Variants in TECRL observed in about 807,000 individuals in gnomAD.
TECRL encodes the protein trans-2,3-enoyl-CoA reductase-like.
Under a neutral mutation model 52.8 loss-of-function variants are expected in TECRL, and 63 were observed. The ratio of observed to expected loss-of-function variants is 1.19; its 90% CI spans 0.97 to 1.47. The LOEUF (loss-of-function observed/expected upper bound fraction) is 1.47. Among genes scored for constraint, TECRL ranks in the 40% most tolerant of loss-of-function variants. The probability of loss-of-function intolerance (pLI) is 0.00; values close to 1 mark genes in which losing one functional copy is unlikely to be tolerated. For missense variants in TECRL, 482 were observed against 429.6 expected, an observed-to-expected ratio of 1.12 and a Z score of -1.08; for synonymous variants, 164 against 141.9, an observed-to-expected ratio of 1.16 and a Z score of -1.10.
At chr4:64,309,409 A>G (rs1015679712) in intron 6 of TECRL, among the ~76,000 whole-genome samples, 12 of 152,166 alleles carry the variant, frequency 7.9e-5, no homozygotes, top group African/African-American at 2.4e-4. Context: ...CACAATTTCT[A>G]GAAGAGCAAA....
chr4:64,309,852 G>T lies in TECRL; in HGVS notation c.631C>A (p.His211Asn). The T allele has an allele frequency of 1.2e-6, 2 of 1,610,868 alleles. No individual in the cohort carries two copies. The highest frequency in any genetic ancestry group is 1.7e-6 in the Non-Finnish European group (2 of 1,177,470). ...TLFVHKVSAG[H>N]TPLKNLIMSC... ...ATTATCAAATTTTTCAAAGGTGTGT[G>T]TCCTGCAGAAACTTTGTGAACAAAT... The change falls in exon 6 of 12, where the codon CAC becomes AAC. Residue 211 changes from histidine to asparagine, a missense_variant. Coordinates refer to ENST00000381210, the MANE Select transcript of TECRL (RefSeq NM_001010874.5).
chr4:64,328,599 A>G (rs769680996), intron 2 of TECRL, 43 bp from the exon 3 acceptor site: 2 of 1,544,746 alleles, frequency 1.3e-6, no homozygotes, highest in Non-Finnish European at 1.8e-6. Context: ...AAAAAGTGTA[A>G]CTATAGCTTA....
intron 1 of TECRL, chr4:64,397,832 T>C (rs1724061709): frequency 6.6e-6 from 1 of 152,098 alleles, no homozygotes; most frequent in Non-Finnish European, 1.5e-5. Context: ...ATATTTTTGT[T>C]ACAGTAGCTC....
At chr4:64,357,993 G>A (rs1308848478) in intron 2 of TECRL, among the ~76,000 whole-genome samples, 1 of 151,530 alleles carries the variant, frequency 6.6e-6, no homozygotes, top group Non-Finnish European at 1.5e-5. Flanking sequence ...GTGAAAAAAT[G>A]TATTCACTAC....
At chr4:64,330,916 A>G (rs1718593123) in intron 2 of TECRL, among the ~76,000 whole-genome samples, 1 of 152,134 alleles carries the variant, frequency 6.6e-6, no homozygotes, top group Non-Finnish European at 1.5e-5. Flanking sequence ...AGACACGCAT[A>G]TAACTATTAT....
At chr4:64,400,004 A>C (rs1724237385) in intron 1 of TECRL, among the ~76,000 whole-genome samples, 1 of 152,112 alleles carries the variant, frequency 6.6e-6, no homozygotes, top group Non-Finnish European at 1.5e-5. Flanking sequence ...AGAATGATAT[A>C]TCCACCAGCT....
At chr4:64,379,455 A>C (rs891290553) in intron 1 of TECRL, among the ~76,000 whole-genome samples, 5 of 152,114 alleles carry the variant, frequency 3.3e-5, no homozygotes, top group Non-Finnish European at 5.9e-5. Flanking sequence ...CATCACCTTA[A>C]ACACTTACCA....
chr4:64,281,142 C>CCAA (rs1285588535), intron 10 of TECRL, 56 bp from the exon 11 acceptor site: 1 of 1,414,954 alleles, frequency 7.1e-7, no homozygotes, highest in Non-Finnish European at 9.8e-7. Context: ...GTAATTTGTT[C>CCAA]ATTTGTGGCT....
chr4:64,402,132 C>T (rs904892178), intron 1 of TECRL, among the ~76,000 whole-genome samples: 1 of 151,968 alleles, frequency 6.6e-6, no homozygotes, highest in South Asian at 2.1e-4. Context: ...ATGACCTATT[C>T]TTTTTTCTGA....
intron 6 of TECRL, 117 bp downstream of exon 6, chr4:64,309,709 C>T (rs2109997684): frequency 1.4e-6 from 1 of 735,980 alleles, no homozygotes; most frequent in East Asian, 2.6e-5. Flanking sequence ...TTTAAGTATG[C>T]TTATGCAATT....
chr4:64,357,708 C>T (rs1225226179), intron 2 of TECRL, among the ~76,000 whole-genome samples: 2 of 151,194 alleles, frequency 1.3e-5, no homozygotes, highest in Admixed American at 6.6e-5. Flanking sequence ...CTAGAAATTA[C>T]AAGCACAAAT....
intron 8 of TECRL, among the ~76,000 whole-genome samples, chr4:64,298,551 A>C (rs1487026874): frequency 6.6e-6 from 1 of 151,228 alleles, no homozygotes; most frequent in Non-Finnish European, 1.5e-5. Context: ...TGACTTATTA[A>C]AAGTTTTATT....
intron 1 of TECRL, among the ~76,000 whole-genome samples, chr4:64,387,697 A>G (rs970404318): frequency 3.9e-5 from 6 of 151,916 alleles, no homozygotes; most frequent in Non-Finnish European, 8.8e-5. Context: ...TATCTTTTCT[A>G]GTGAAGTGTC....
At chr4:64,395,216 A>C (rs1723855806) in intron 1 of TECRL, among the ~76,000 whole-genome samples, 1 of 152,044 alleles carries the variant, frequency 6.6e-6, no homozygotes, top group South Asian at 2.1e-4. Flanking sequence ...CACCGCTCCC[A>C]GCCAAACGTG....
Position 64,328,512 on chromosome 4 carries a change from CA to C in TECRL, c.330del (p.Cys110TrpfsTer6). The C allele has an allele frequency of 6.2e-7, 1 of 1,610,464 alleles. No homozygotes were observed. The highest frequency in any genetic ancestry group is 8.5e-7 in the Non-Finnish European group (1 of 1,177,724). The stretch of plus-strand genomic sequence containing the variant: ...CACATCAGTGAAAAATGCTTCTTAC[CA>C]CATTCTAGCTGCAGACCAACTCGAG... ...YPSRVGLQLE[C>X]GGPFLKDYIT... On this transcript the variant is annotated frameshift_variant and splice_region_variant, in exon 3 of 12. Coordinates refer to ENST00000381210, the MANE Select transcript of TECRL (RefSeq NM_001010874.5). LOFTEE classifies it high-confidence loss of function.
chr4:64,299,951 C>A, intron 8 of TECRL, 23 bp downstream of exon 8: 3 of 1,475,414 alleles, frequency 2.0e-6, no homozygotes, highest in South Asian at 1.5e-5. Flanking sequence ...GCGTGAATAG[C>A]AAAATATATA....
chr4:64,351,155 G>C (rs997712020), intron 2 of TECRL, among the ~76,000 whole-genome samples: 1 of 150,476 alleles, frequency 6.6e-6, no homozygotes, highest in Non-Finnish European at 1.5e-5. Context: ...GGATGGGAAA[G>C]GGGCATGAAG....
chr4:64,289,635 T>G, intron 9 of TECRL, 75 bp downstream of exon 9: 3 of 1,166,180 alleles, frequency 2.6e-6, no homozygotes, highest in Non-Finnish European at 3.5e-6. Flanking sequence ...TTTTAAAGAT[T>G]TTTTGAAGTA....
intron 1 of TECRL, among the ~76,000 whole-genome samples, chr4:64,395,228 AT>A (rs1329966502): frequency 2.0e-5 from 3 of 151,960 alleles, no homozygotes; most frequent in African/African-American, 4.8e-5. Flanking sequence ...CCAAACGTGA[AT>A]TTTTTTAAGC....
Sources: gnomAD v4.1 joint callset for allele counts (sites outside exome capture counted in the v4.1 genomes callset) on GRCh38, gnomAD v4.1.1 for gene constraint, MANE v1.5 for transcripts, NCBI Gene and HGNC (gene_info 2026-07-23, HGNC 2026-07-21) for gene names.